The following C2orf49 variants were observed in gnomAD, a reference collection of about 807,000 sequenced individuals.
C2orf49 encodes the protein tRNA-splicing ligase complex subunit ASW.
Under a neutral mutation model 20.6 loss-of-function variants are expected in C2orf49, and 11 were observed. That is an observed-to-expected ratio of 0.53 (90% confidence interval 0.34 to 0.88). C2orf49 has a LOEUF of 0.88. C2orf49 is among the 40% of genes least tolerant of loss of function. The probability of loss-of-function intolerance (pLI) is 0.02; values close to 1 mark genes in which losing one functional copy is unlikely to be tolerated. For missense variants in C2orf49, 289 were observed against 274.2 expected (o/e 1.05, Z -0.38); for synonymous variants, 134 against 108.5 (o/e 1.24, Z -1.46).
At chr2:105,359,832 C>G in the C2orf49 span, 1 of 152,162 alleles carries the variant, frequency 6.6e-6, no homozygotes, top group African/African-American at 2.4e-5. Context: ...CCTCAAGTTG[C>G]TTATGTCCTT....
the C2orf49 span, chr2:105,361,269 T>G: frequency 6.2e-7 from 1 of 1,605,830 alleles, no homozygotes; most frequent in Non-Finnish European, 8.5e-7. Flanking sequence ...AGCAGCAACT[T>G]CTCTGTGTTG....
the C2orf49 span, among the ~76,000 whole-genome samples, chr2:105,356,775 C>T: frequency 1.3e-5 from 2 of 152,136 alleles, no homozygotes; most frequent in Admixed American, 6.5e-5. Flanking sequence ...TATTATTTTA[C>T]ATCTAGCCAG....
At chr2:105,343,876 C>T (rs2576767) in intron 3 of C2orf49, among the ~76,000 whole-genome samples, 20,917 of 151,298 alleles carry the variant, frequency 0.14, 1,799 homozygotes, top group South Asian at 0.25. Context: ...TATATATAGG[C>T]GCTTCAGAAA....
At chr2:105,354,530 G>A in the C2orf49 span, among the ~76,000 whole-genome samples, 2 of 152,086 alleles carry the variant, frequency 1.3e-5, no homozygotes, top group Non-Finnish European at 2.9e-5. Context: ...GCCAGGAATG[G>A]TAGCAGGTGC....
the C2orf49 span, chr2:105,361,112 G>C: frequency 1.7e-6 from 1 of 605,082 alleles, no homozygotes. Context: ...CCCTGGGACT[G>C]AACTATCACA....
the C2orf49 span, among the ~76,000 whole-genome samples, chr2:105,376,910 C>CTT: frequency 0.01 from 1,569 of 152,318 alleles, 23 homozygotes; most frequent in African/African-American, 0.036. Flanking sequence ...AACGACAAAT[C>CTT]GGTCACAAAA....
chr2:105,342,616 G>A (rs958505091), intron 2 of C2orf49, among the ~76,000 whole-genome samples: 2 of 152,146 alleles, frequency 1.3e-5, no homozygotes, highest in Admixed American at 6.5e-5. Flanking sequence ...TGCATGTTGT[G>A]TATACATGAA....
At chr2:105,351,140 G>T (rs1679921709), downstream of C2orf49, among the ~76,000 whole-genome samples, 1 of 152,108 alleles carries the variant, frequency 6.6e-6, no homozygotes, top group Non-Finnish European at 1.5e-5. Flanking sequence ...GTTTTGCGGG[G>T]AGGACTACAG....
chr2:105,381,368 C>A, the C2orf49 span, among the ~76,000 whole-genome samples: 4 of 152,118 alleles, frequency 2.6e-5, no homozygotes, highest in Non-Finnish European at 5.9e-5. Flanking sequence ...CTCAATTACC[C>A]CGACAGTCCC....
chr2:105,376,620 T>G, the C2orf49 span: 1 of 152,212 alleles, frequency 6.6e-6, no homozygotes. Flanking sequence ...TGGCTGATAT[T>G]AAAAGTAGAA....
chr2:105,339,778 T>G, intron 2 of C2orf49, 29 bp downstream of exon 2: 1 of 1,527,944 alleles, frequency 6.5e-7, no homozygotes, highest in Non-Finnish European at 8.8e-7. Context: ...AGCTTTCAAT[T>G]TATCTTATAT....
chr2:105,384,506 G>GT, the C2orf49 span, among the ~76,000 whole-genome samples: 17 of 151,802 alleles, frequency 1.1e-4, no homozygotes, highest in East Asian at 3.9e-4. Flanking sequence ...GTTCTCCCCA[G>GT]TTTTTTTTGG....
At chr2:105,343,940 A>G (rs898299810) in intron 3 of C2orf49, among the ~76,000 whole-genome samples, 3 of 152,080 alleles carry the variant, frequency 2.0e-5, no homozygotes, top group Non-Finnish European at 1.5e-5. Flanking sequence ...TCTGTAGAAT[A>G]CTTTGCCTTT....
downstream of C2orf49, among the ~76,000 whole-genome samples, chr2:105,350,491 C>T (rs1445490191): frequency 6.6e-6 from 1 of 152,228 alleles, no homozygotes; most frequent in East Asian, 1.9e-4. Flanking sequence ...CAAAAATAGA[C>T]TAGTTGAGTA....
chr2:105,378,793 C>T, the C2orf49 span: 1 of 152,412 alleles, frequency 6.6e-6, no homozygotes, highest in African/African-American at 2.4e-5. Context: ...CCTATGCTCA[C>T]GTTCTTAAGT....
the C2orf49 span, among the ~76,000 whole-genome samples, chr2:105,361,805 T>G: frequency 6.6e-6 from 1 of 152,312 alleles, no homozygotes; most frequent in East Asian, 1.9e-4. Flanking sequence ...TTTTTATGAC[T>G]TAATGATTGA....
chr2:105,370,244 G>T, the C2orf49 span, among the ~76,000 whole-genome samples: 1 of 152,056 alleles, frequency 6.6e-6, no homozygotes, highest in Non-Finnish European at 1.5e-5. Flanking sequence ...GTGTGGTGGT[G>T]TGTGCCTGAG....
At chr2:105,380,899 A>T in the C2orf49 span, among the ~76,000 whole-genome samples, 1 of 152,208 alleles carries the variant, frequency 6.6e-6, no homozygotes, top group Non-Finnish European at 1.5e-5. Context: ...TTAGGCCCAC[A>T]CACTTCCTTT....
the C2orf49 span, among the ~76,000 whole-genome samples, chr2:105,383,300 A>G: frequency 6.6e-6 from 1 of 152,238 alleles, no homozygotes; most frequent in Non-Finnish European, 1.5e-5. Flanking sequence ...TATCCAAGAA[A>G]AGGTTCAGGA....
Sources: gnomAD v4.1 joint callset for allele counts (sites outside exome capture counted in the v4.1 genomes callset) on GRCh38, gnomAD v4.1.1 for gene constraint, MANE v1.5 for transcripts, NCBI Gene and HGNC (gene_info 2026-07-23, HGNC 2026-07-21) for gene names.